The following PFDN4 variants were observed in gnomAD, a reference collection of about 807,000 sequenced individuals.
The protein encoded by PFDN4 is prefoldin subunit 4.
Under a neutral mutation model 17.6 loss-of-function variants are expected in PFDN4, and 6 were observed. The observed-to-expected ratio is 0.34, with a 90% CI of 0.19 to 0.67. The LOEUF (loss-of-function observed/expected upper bound fraction) is 0.67, where lower values mean the gene tolerates loss of function less well. PFDN4 is among the 30% of genes least tolerant of loss of function. PFDN4 has a pLI of 0.68. For synonymous variants in PFDN4, 48 were observed against 51.1 expected, an observed-to-expected ratio of 0.94 and a Z score of 0.26; for missense variants, 119 against 158.4, an observed-to-expected ratio of 0.75 and a Z score of 1.33.
At chr20:54,213,053 T>C (rs1218843006) in intron 1 of PFDN4, among the ~76,000 whole-genome samples, 2 of 152,250 alleles carry the variant, frequency 1.3e-5, no homozygotes, top group Non-Finnish European at 2.9e-5. Context: ...TCTGTATTGC[T>C]TGACACTGCC....
At chr20:54,213,111 A>C (rs1013443245) in intron 1 of PFDN4, among the ~76,000 whole-genome samples, 4 of 152,256 alleles carry the variant, frequency 2.6e-5, no homozygotes, top group Non-Finnish European at 4.4e-5. Flanking sequence ...GTCGATGGTC[A>C]TGAGAGACCA....
chr20:54,215,222 T>A (rs183379263), intron 2 of PFDN4, 78 bp from the exon 3 acceptor site: 1 of 1,003,624 alleles, frequency 1.0e-6, no homozygotes, highest in Middle Eastern at 2.1e-4. Context: ...AGAGAGTTGC[T>A]GTCCCCAAAT....
intron 1 of PFDN4, among the ~76,000 whole-genome samples, chr20:54,211,477 C>G (rs2092755752): frequency 6.6e-6 from 1 of 152,230 alleles, no homozygotes; most frequent in Non-Finnish European, 1.5e-5. Context: ...ATTTGACTGA[C>G]TCCATCATCA....
At chr20:54,208,917 T>G (rs1397725562) in intron 1 of PFDN4, 1 of 152,086 alleles carries the variant, frequency 6.6e-6, no homozygotes, top group Non-Finnish European at 1.5e-5. Context: ...CAAACTCAGG[T>G]TTGTTTTTGT....
intron 3 of PFDN4, among the ~76,000 whole-genome samples, chr20:54,216,717 C>T (rs1402119509): frequency 2.6e-5 from 4 of 152,000 alleles, no homozygotes; most frequent in East Asian, 1.9e-4. Context: ...AGTGCAATGG[C>T]GCAATCTCGG....
chr20:54,212,217 ACTT>A (rs2092756912), intron 1 of PFDN4, among the ~76,000 whole-genome samples: 1 of 151,144 alleles, frequency 6.6e-6, no homozygotes. Context: ...AAAATTACCC[ACTT>A]CTTGCCAAAA....
chr20:54,217,602 A>G (rs1463116602), intron 3 of PFDN4, among the ~76,000 whole-genome samples: 1 of 152,196 alleles, frequency 6.6e-6, no homozygotes, highest in Non-Finnish European at 1.5e-5. Flanking sequence ...CTTGACAAAA[A>G]CAAGCTTCAG....
intron 3 of PFDN4, among the ~76,000 whole-genome samples, chr20:54,217,005 A>T (rs1358046750): frequency 6.6e-6 from 1 of 152,140 alleles, no homozygotes; most frequent in Non-Finnish European, 1.5e-5. Context: ...GAATGAATGG[A>T]GTGCTTACTC....
intron 2 of PFDN4, among the ~76,000 whole-genome samples, chr20:54,214,740 G>C (rs1158560203): frequency 6.6e-6 from 1 of 152,166 alleles, no homozygotes; most frequent in African/African-American, 2.4e-5. Flanking sequence ...AGAGTCAGCT[G>C]TCTTCCCAAT....
intron 1 of PFDN4, among the ~76,000 whole-genome samples, chr20:54,211,864 A>G (rs1007488168): frequency 2.6e-5 from 4 of 152,084 alleles, no homozygotes; most frequent in Admixed American, 6.6e-5. Flanking sequence ...CGACCTGTCA[A>G]TGTCCATTGA....
chr20:54,208,371 G>A (rs569966526), intron 1 of PFDN4: 7 of 429,770 alleles, frequency 1.6e-5, no homozygotes, highest in Middle Eastern at 6.0e-4. Context: ...AAGGACGCAG[G>A]TCCGCCTCCC....
rs981025422 is a variant in PFDN4 at position 54,215,415 on chromosome 20, C to A, written c.248C>A (p.Thr83Lys). 4 of 1,597,492 alleles carry A rather than the reference C, an allele frequency of 2.5e-6. No individual in the cohort carries two copies. The highest frequency in any genetic ancestry group is 2.7e-5 in the African/African-American group (2 of 74,522). Residue 83 changes from threonine to lysine, a missense_variant, in exon 3 of 4, where the codon ACG becomes AAG. Physicochemically the swap from Thr to Lys is moderately conservative, Grantham distance 78. Transcript: ENST00000371419. ...DVFISHSQEETQEMLEEAKKN... is the reference protein window; with the variant it reads ...DVFISHSQEEKQEMLEEAKKN... ...TTCATTAGCCATTCTCAAGAAGAAACGCAAGAAATGTTAGAAGAAGCAAAG... is the reference window on the plus strand; with the variant it reads ...TTCATTAGCCATTCTCAAGAAGAAAAGCAAGAAATGTTAGAAGAAGCAAAG...
chr20:54,217,806 G>A (rs190270491), intron 3 of PFDN4, among the ~76,000 whole-genome samples: 125 of 152,290 alleles, frequency 8.2e-4, no homozygotes, highest in Admixed American at 1.4e-3. Flanking sequence ...GTAGCCATAT[G>A]TCTTATTTTT....
chr20:54,214,739 TG>T (rs2092760379), intron 2 of PFDN4, among the ~76,000 whole-genome samples: 1 of 152,206 alleles, frequency 6.6e-6, no homozygotes. Flanking sequence ...CAGAGTCAGC[TG>T]TCTTCCCAAT....
intron 3 of PFDN4, among the ~76,000 whole-genome samples, chr20:54,217,981 A>AT (rs1449720863): frequency 6.6e-6 from 1 of 152,078 alleles, no homozygotes; most frequent in Non-Finnish European, 1.5e-5. Flanking sequence ...TTCCCAGGTG[A>AT]TTTTGTCCCT....
chr20:54,214,500 T>C, intron 2 of PFDN4, 42 bp downstream of exon 2: 1 of 871,916 alleles, frequency 1.1e-6, no homozygotes, highest in Middle Eastern at 2.9e-4. Context: ...TTTTTTATAC[T>C]ATAGCTACTA....
intron 2 of PFDN4, 107 bp downstream of exon 2, chr20:54,214,565 A>G: frequency 3.4e-6 from 2 of 580,582 alleles, no homozygotes; most frequent in South Asian, 2.5e-5. Context: ...TTTGTTGCAG[A>G]TGAATGACGC....
intron 1 of PFDN4, 139 bp from the exon 2 acceptor site, chr20:54,214,212 C>T: frequency 1.8e-6 from 1 of 558,548 alleles, no homozygotes; most frequent in Non-Finnish European, 3.2e-6. Context: ...AAAAATAAGG[C>T]ATTTGTTATG....
intron 1 of PFDN4, among the ~76,000 whole-genome samples, chr20:54,214,080 TC>T (rs2092759478): frequency 6.6e-6 from 1 of 152,260 alleles, no homozygotes; most frequent in South Asian, 2.1e-4. Context: ...TTTTTTTCTT[TC>T]CTTTTAAAAG....
Sources: allele counts gnomAD v4.1 joint callset (sites outside exome capture counted in the v4.1 genomes callset), GRCh38; gene constraint gnomAD v4.1.1; transcripts MANE v1.5; gene names NCBI Gene and HGNC (gene_info 2026-07-23, HGNC 2026-07-21).